The following ABCC5 variants were observed in gnomAD, a reference collection of about 807,000 sequenced individuals.
The protein encoded by ABCC5 is ATP binding cassette subfamily C member 5.
In ABCC5, 61 loss-of-function variants were observed where a neutral mutation model predicts 160.9. The observed-to-expected ratio is 0.38, with a 90% CI of 0.31 to 0.47. The LOEUF is 0.47. ABCC5 is among the 20% of genes least tolerant of loss of function. The pLI, the probability that ABCC5 is intolerant of heterozygous loss-of-function variation, is 0.99. For synonymous variants in ABCC5, 666 were observed against 700.6 expected (o/e 0.95, Z 0.78); for missense variants, 1,308 against 1,813.3 (o/e 0.72, Z 5.06).
chr3:183,957,912 G>A (rs1326690793), intron 17 of ABCC5, among the ~76,000 whole-genome samples: 18 of 148,854 alleles, frequency 1.2e-4, no homozygotes, highest in Non-Finnish European at 2.7e-4. Flanking sequence ...ATGCGGATCC[G>A]TGTGTATATC....
chr3:183,983,598 A>G (rs1187705838), intron 5 of ABCC5: 2 of 333,886 alleles, frequency 6.0e-6, no homozygotes, highest in Non-Finnish European at 8.6e-6. Flanking sequence ...AAATGAAAAC[A>G]TGTTACCTCA....
intron 5 of ABCC5, chr3:183,984,073 C>T: frequency 1.0e-6 from 1 of 985,406 alleles, no homozygotes; most frequent in Non-Finnish European, 1.2e-6. Flanking sequence ...GGAAAAAAGA[C>T]CTTGCTGCTA....
At chr3:183,935,148 G>A (rs144301028) in intron 26 of ABCC5, among the ~76,000 whole-genome samples, 292 of 151,974 alleles carry the variant, frequency 1.9e-3, no homozygotes, top group African/African-American at 6.6e-3. Flanking sequence ...CAAAGTGCTG[G>A]GATTACAGGC....
intron 2 of ABCC5, among the ~76,000 whole-genome samples, chr3:183,995,722 T>C (rs767269714): frequency 3.3e-5 from 5 of 152,236 alleles, no homozygotes; most frequent in Non-Finnish European, 5.9e-5. Flanking sequence ...CCTTCAACTT[T>C]ATCCTTCCTT....
At chr3:183,922,656 T>G (rs1712120335) in intron 29 of ABCC5, among the ~76,000 whole-genome samples, 1 of 152,174 alleles carries the variant, frequency 6.6e-6, no homozygotes, top group Non-Finnish European at 1.5e-5. Context: ...AGAACCCACC[T>G]CCTGTGGCAG....
At chr3:183,983,918 G>T (rs377407034) in intron 5 of ABCC5, 1 of 985,326 alleles carries the variant, frequency 1.0e-6, no homozygotes, top group South Asian at 4.7e-5. Flanking sequence ...TCTGGTCTCC[G>T]ACGGTTGTTT....
Position 183,953,205 on chromosome 3 carries a change from T to C in ABCC5, c.2548A>G (p.Ile850Val). The C allele has an allele frequency of 1.2e-6, 2 of 1,614,190 alleles. No individual in the cohort carries two copies. Among genetic ancestry groups the C allele is most frequent in the Non-Finnish European group, 1.7e-6 (2 of 1,180,032 alleles). ...SVPWSVYGVY[I>V]QAAGGPLAFL... is the part of the protein sequence containing the mutation. ...GCCAAGGGGCCCCCAGCAGCCTGGATGTAGACACCATATACTGACCAGGGC... is the reference window on the plus strand; with the variant it reads ...GCCAAGGGGCCCCCAGCAGCCTGGACGTAGACACCATATACTGACCAGGGC... The change falls in exon 18 of 30, where the codon ATC (isoleucine) becomes GTC (valine). Residue 850 changes from isoleucine (I) to valine (V), a missense_variant. Ile to Val is a conservative substitution (Grantham distance 29, BLOSUM62 3). Around this residue, in one of 3 missense-constraint regions of ABCC5, gnomAD observed 1,142 missense variants for 1,527.1 expected, o/e 0.75. Coordinates refer to ENST00000334444, the MANE Select transcript of ABCC5 (RefSeq NM_005688.4).
intron 10 of ABCC5, among the ~76,000 whole-genome samples, chr3:183,976,769 A>G (rs928339628): frequency 6.6e-6 from 1 of 152,158 alleles, no homozygotes. Flanking sequence ...TCACTGGCCA[A>G]TAAAGACAAG....
In ABCC5 at chr3:183,925,554, C is replaced by A; in HGVS notation, c.4212+1G>T. 2 of 1,612,806 alleles carry A rather than the reference C, an allele frequency of 1.2e-6. No individual in the cohort carries two copies. The highest frequency in any genetic ancestry group is 1.7e-6 in the Non-Finnish European group (2 of 1,179,726). ...GCCAAAGTTCCTGAAGGACTCGGTA[C>A]CTGTCCCTGGGCCAGCACCATAATC... On this transcript the variant is annotated splice_donor_variant, in intron 29 of 29. Coordinates refer to ENST00000334444, the MANE Select transcript of ABCC5 (RefSeq NM_005688.4). LOFTEE classifies it high-confidence loss of function.
At chr3:183,993,800 C>T (rs1019123416) in intron 2 of ABCC5, among the ~76,000 whole-genome samples, 6 of 152,108 alleles carry the variant, frequency 3.9e-5, no homozygotes, top group African/African-American at 1.4e-4. Flanking sequence ...TAATTATATT[C>T]ACAATACTAT....
At chr3:183,971,416 A>T in intron 11 of ABCC5, 147 bp downstream of exon 11, 1 of 649,620 alleles carries the variant, frequency 1.5e-6, no homozygotes, top group Non-Finnish European at 2.6e-6. Flanking sequence ...TTTTTTTTAG[A>T]GTTAGAGCTG....
chr3:183,992,422 T>C (rs977517463), intron 2 of ABCC5, among the ~76,000 whole-genome samples: 1 of 152,194 alleles, frequency 6.6e-6, no homozygotes, highest in African/African-American at 2.4e-5. Flanking sequence ...AACCAGAACA[T>C]ATTCTGTGCT....
rs762587605 is a variant in ABCC5, at chr3:183,951,593, G to C, written c.2815-23C>G. ...GCCCTGAGGAGCAGAGCACAGAGTG[G>C]TCAGGGCCCAGGGACGGCTCTGTTC... On this transcript the variant is annotated intron_variant, in intron 19 of 29. Transcript: ENST00000334444. The surrounding 1 kb of genome is among the most constrained non-coding windows in gnomAD (Gnocchi z 4.7). The C allele has an allele frequency of 1.2e-6, 2 of 1,612,862 alleles. No individual in the cohort carries two copies. The highest frequency in any genetic ancestry group is 1.7e-6 in the Non-Finnish European group (2 of 1,179,530).
At chr3:183,929,833 A>G (rs1010346854) in intron 26 of ABCC5, among the ~76,000 whole-genome samples, 1 of 152,196 alleles carries the variant, frequency 6.6e-6, no homozygotes, top group African/African-American at 2.4e-5. Context: ...GCTGGTCTCA[A>G]ATTCCAGTGC....
chr3:183,937,442 G>A (rs1713848361), intron 26 of ABCC5, among the ~76,000 whole-genome samples: 1 of 152,160 alleles, frequency 6.6e-6, no homozygotes, highest in Non-Finnish European at 1.5e-5. Flanking sequence ...ATGGAGTGGG[G>A]GGCAGATGAG....
chr3:183,983,983 A>C (rs2108857432), intron 5 of ABCC5: 1 of 985,416 alleles, frequency 1.0e-6, no homozygotes, highest in South Asian at 4.7e-5. Context: ...CAGAGTCCAA[A>C]GTAGTATATC....
chr3:183,969,462 C>A (rs1429362144), intron 11 of ABCC5, among the ~76,000 whole-genome samples: 1 of 152,184 alleles, frequency 6.6e-6, no homozygotes, highest in Non-Finnish European at 1.5e-5. Context: ...AAAGGCCAGG[C>A]AGGCAGACCA....
chr3:184,010,268 A>G (rs1446201681), intron 2 of ABCC5, among the ~76,000 whole-genome samples: 1 of 32,808 alleles, frequency 3.0e-5, no homozygotes, highest in African/African-American at 1.5e-4. Flanking sequence ...CTTCGTCTCA[A>G]AAAAAAAAAA....
intron 11 of ABCC5, among the ~76,000 whole-genome samples, chr3:183,968,119 A>G (rs1321432987): frequency 2.7e-5 from 4 of 150,232 alleles, no homozygotes; most frequent in African/African-American, 9.7e-5. Flanking sequence ...GCTTTTAAAA[A>G]TCATTTTATT....
Sources: gnomAD v4.1 joint callset for allele counts (sites outside exome capture counted in the v4.1 genomes callset) on GRCh38, gnomAD v4.1.1 for gene constraint, gnomAD v4.1.1 regional missense constraint, Gnocchi (gnomAD v3.1) non-coding constraint, MANE v1.5 for transcripts, NCBI Gene and HGNC (gene_info 2026-07-23, HGNC 2026-07-21) for gene names.